PHACTR3: variants seen among roughly 807,000 people sequenced by gnomAD.
PHACTR3 encodes phosphatase and actin regulator 3, also known as protein phosphatase 1, regulatory subunit 123.
PHACTR3 carries 16 observed loss-of-function variants against 66.8 expected under a neutral mutation model. That is an observed-to-expected ratio of 0.24 (90% CI 0.16 to 0.36). The LOEUF is 0.36. PHACTR3 is among the 10% of genes least tolerant of loss of function. The probability of loss-of-function intolerance (pLI) is 1.00; values close to 1 mark genes in which losing one functional copy is unlikely to be tolerated. For synonymous variants in PHACTR3, 323 were observed against 292.1 expected (o/e 1.11, Z -1.08); for missense variants, 647 against 719.9 (o/e 0.90, Z 1.16).
intron 1 of PHACTR3, among the ~76,000 whole-genome samples, chr20:59,641,423 C>T (rs1355362634): frequency 6.6e-6 from 1 of 152,110 alleles, no homozygotes; most frequent in Non-Finnish European, 1.5e-5. Flanking sequence ...GCCTGAGAAA[C>T]AGGAGAGCTA....
chr20:59,585,929 C>T lies in PHACTR3; in HGVS notation c.109+8312C>T, dbSNP rs1457321152. On this transcript the variant is annotated intron_variant, in intron 1 of 12. Coordinates refer to the PHACTR3 transcript ENST00000359926. ...TGGCCTCTTTGCGTGAGTCTCTCAG[C>T]GGTGGAAGCTGGCTCTTCCTCCTGA... 5.3e-5 allele frequency among the ~76,000 whole-genome samples: 8 copies of T among 152,224 alleles called. No homozygotes were observed. In the South Asian group the frequency reaches 8.3e-4, roughly 16 times the overall value.
Position 59,737,525 on chromosome 20 carries a change from T to C in PHACTR3, c.119-5582T>C, listed in dbSNP as rs2038989437. Among the ~76,000 whole-genome samples the C allele has an allele frequency of 3.2e-5, 4 of 124,334 alleles. No homozygotes were observed. In the South Asian group the frequency reaches 8.0e-4, roughly 25 times the overall value. 81.6% of individuals were successfully genotyped at this position (124,334 alleles called of 152,430 possible). On this transcript the variant is annotated intron_variant, in intron 1 of 12. Transcript: ENST00000371015. ...GTCTGTGTGCGTGCATGTGTGCGTG[T>C]ATGTGTGTGCGTGCATGTGCATGTG...
At chr20:59,590,909 C>G (rs6128638) in intron 1 of PHACTR3, among the ~76,000 whole-genome samples, 1 of 152,154 alleles carries the variant, frequency 6.6e-6, no homozygotes, top group East Asian at 1.9e-4. Context: ...CCCTCATGAC[C>G]TAATCACCAT....
intron 1 of PHACTR3, among the ~76,000 whole-genome samples, chr20:59,580,283 T>G (rs2032821860): frequency 6.6e-6 from 1 of 152,168 alleles, no homozygotes; most frequent in South Asian, 2.1e-4. Context: ...CACAACTCTT[T>G]GGGCACTGTG....
At chr20:59,623,472 A>ACC (rs1329377670) in intron 1 of PHACTR3, among the ~76,000 whole-genome samples, 3 of 152,164 alleles carry the variant, frequency 2.0e-5, no homozygotes, top group Admixed American at 6.5e-5. Context: ...CTGGCTGTGC[A>ACC]CCCGTCTCTC....
chr20:59,721,408 A>T (rs571158069), intron 1 of PHACTR3: 2 of 152,414 alleles, frequency 1.3e-5, no homozygotes, highest in Admixed American at 1.3e-4. Flanking sequence ...CCAGCAAGAA[A>T]CCTGATGAAA....
chr20:59,578,100 G>A (rs893278428), intron 1 of PHACTR3, among the ~76,000 whole-genome samples: 8 of 152,362 alleles, frequency 5.3e-5, no homozygotes, highest in African/African-American at 1.9e-4. Flanking sequence ...CTCCACCCAC[G>A]TGGGACTGGC....
At chr20:59,638,825 G>A (rs1176770290) in intron 1 of PHACTR3, among the ~76,000 whole-genome samples, 2 of 150,100 alleles carry the variant, frequency 1.3e-5, no homozygotes, top group Non-Finnish European at 3.0e-5. Context: ...TGGATGGGTA[G>A]ATGGATGGAT....
chr20:59,828,841 A>C (rs1366662322), intron 8 of PHACTR3, among the ~76,000 whole-genome samples: 1 of 152,024 alleles, frequency 6.6e-6, no homozygotes, highest in Non-Finnish European at 1.5e-5. Context: ...AGTTAGAGTT[A>C]TGCTGCTGTG....
rs1323910639 is a variant in PHACTR3, at chr20:59,738,941, G to A, written c.119-4166G>A. On this transcript the variant is annotated intron_variant, in intron 1 of 12. Transcript: ENST00000371015. This position sits in a 1 kb window ranked among gnomAD's most constrained non-coding sequence, Gnocchi z 4.4. ...ATGCTCAGGACAGCAGGCTTTCCCAGGGCCATGTGGAGTCACAGTCTTGCT... is the reference window on the plus strand; with the variant it reads ...ATGCTCAGGACAGCAGGCTTTCCCAAGGCCATGTGGAGTCACAGTCTTGCT... Among the ~76,000 whole-genome samples the A allele has an allele frequency of 2.0e-5, 3 of 152,128 alleles. No individual in the cohort carries two copies. Among genetic ancestry groups the A allele is most frequent in the African/African-American group, 7.2e-5 (3 of 41,442 alleles).
At chr20:59,793,741 C>G (rs1254143722) in intron 7 of PHACTR3, among the ~76,000 whole-genome samples, 4 of 150,984 alleles carry the variant, frequency 2.6e-5, no homozygotes, top group Non-Finnish European at 4.4e-5. Context: ...TTAGCTTTTC[C>G]TTTCTAATTT....
At chr20:59,646,100 A>T (rs1168045096) in intron 1 of PHACTR3, among the ~76,000 whole-genome samples, 1 of 152,174 alleles carries the variant, frequency 6.6e-6, no homozygotes, top group East Asian at 1.9e-4. Flanking sequence ...CGTGTCAGTC[A>T]TTCAGCCTCC....
At chr20:59,843,603 A>G (rs2059101997) in intron 11 of PHACTR3, 1 of 152,188 alleles carries the variant, frequency 6.6e-6, no homozygotes, top group Admixed American at 6.5e-5. Context: ...TCTTCAATAA[A>G]TGGTGCTGGG....
chr20:59,845,583 C>T (rs1289117985), intron 12 of PHACTR3, among the ~76,000 whole-genome samples: 1 of 152,090 alleles, frequency 6.6e-6, no homozygotes, highest in Non-Finnish European at 1.5e-5. Context: ...TTCAGAATTC[C>T]TCCAATTTAT....
intron 1 of PHACTR3, among the ~76,000 whole-genome samples, chr20:59,666,879 G>C (rs1265970170): frequency 6.6e-6 from 1 of 152,224 alleles, no homozygotes; most frequent in African/African-American, 2.4e-5. Context: ...TGGGCTTCTG[G>C]TCCTTACACG....
intron 7 of PHACTR3, among the ~76,000 whole-genome samples, chr20:59,800,421 A>G (rs2041376736): frequency 6.6e-6 from 1 of 152,068 alleles, no homozygotes; most frequent in Non-Finnish European, 1.5e-5. Flanking sequence ...TAGTTTTTCC[A>G]AGTATGGAAT....
chr20:59,657,578 T>A (rs2035662468), intron 1 of PHACTR3, among the ~76,000 whole-genome samples: 1 of 152,180 alleles, frequency 6.6e-6, no homozygotes, highest in African/African-American at 2.4e-5. Flanking sequence ...ATAACATTCT[T>A]GGTTAACAGT....
At chr20:59,846,714 T>G (rs1022982067) in intron 12 of PHACTR3, among the ~76,000 whole-genome samples, 1 of 152,190 alleles carries the variant, frequency 6.6e-6, no homozygotes, top group South Asian at 2.1e-4. Flanking sequence ...ACGGTATTTT[T>G]GGTTATGAGA....
chr20:59,605,239 G>A (rs886454861), intron 1 of PHACTR3, 107 bp downstream of exon 1: 1 of 787,846 alleles, frequency 1.3e-6, no homozygotes, highest in Non-Finnish European at 1.7e-6. Context: ...TCGGGGAGCC[G>A]CGGCAGGAAC....
Sources: gnomAD v4.1 joint callset for allele counts (sites outside exome capture counted in the v4.1 genomes callset) on GRCh38, gnomAD v4.1.1 for gene constraint, Gnocchi (gnomAD v3.1) non-coding constraint, MANE v1.5 for transcripts, NCBI Gene and HGNC (gene_info 2026-07-23, HGNC 2026-07-21) for gene names.